Variants in FBXL18 observed in about 807,000 individuals in gnomAD.
FBXL18 encodes the protein F-box and leucine rich repeat protein 18, also known as F-box/LRR-repeat protein 18.
In FBXL18, 36 loss-of-function variants were observed where a neutral mutation model predicts 46.0. That is an observed-to-expected ratio of 0.78 (90% CI 0.60 to 1.03). The LOEUF is 1.03. Among genes scored for constraint, FBXL18 ranks in the 50% least tolerant of loss-of-function variants. The pLI is 0.00. For synonymous variants in FBXL18, 557 were observed against 465.3 expected, an observed-to-expected ratio of 1.20 and a Z score of -2.54; for missense variants, 977 against 1,004.1, an observed-to-expected ratio of 0.97 and a Z score of 0.36.
intron 1 of FBXL18, among the ~76,000 whole-genome samples, chr7:5,506,837 C>A (rs551068935): frequency 1.3e-5 from 2 of 152,338 alleles, no homozygotes; most frequent in South Asian, 4.1e-4. Context: ...AAGAGCCCTG[C>A]ACCTGGCCAT....
intron 1 of FBXL18, among the ~76,000 whole-genome samples, chr7:5,509,791 C>G (rs1044305633): frequency 2.6e-5 from 4 of 151,576 alleles, no homozygotes; most frequent in African/African-American, 9.7e-5. Flanking sequence ...GGGCAGGTAT[C>G]TGAGGGGTGA....
chr7:5,484,206 G>A (rs560158634), intron 4 of FBXL18, among the ~76,000 whole-genome samples: 7 of 152,176 alleles, frequency 4.6e-5, no homozygotes, highest in Non-Finnish European at 8.8e-5. Context: ...GGTGGCTCAC[G>A]CCTGTAATCC....
chr7:5,509,223 TAG>T (rs1784468289), intron 1 of FBXL18, among the ~76,000 whole-genome samples: 1 of 147,018 alleles, frequency 6.8e-6, no homozygotes, highest in Non-Finnish European at 1.5e-5. Flanking sequence ...CAGCATCATA[TAG>T]ATTCCACAGT....
chr7:5,510,302 CAAAAAAAAA>C (rs757878539), intron 1 of FBXL18, among the ~76,000 whole-genome samples: 1 of 77,606 alleles, frequency 1.3e-5, no homozygotes, highest in African/African-American at 5.5e-5. Flanking sequence ...GACTCTGTCT[CAAAAAAAAA>C]AAAAAAAAAA....
Position 5,513,683 on chromosome 7 carries a change from C to A in FBXL18, c.-9G>T. ...TCTCCGGAGCTGGCCATGTCGCCGG[C>A]GGGTCCGAACCGCGGCCGCGGGATC... On this transcript the variant is annotated 5_prime_UTR_variant, in exon 1 of 5. Coordinates refer to ENST00000382368, the MANE Select transcript of FBXL18 (RefSeq NM_024963.6). 1 of 1,604,326 alleles carries A rather than the reference C, an allele frequency of 6.2e-7. No individual in the cohort carries two copies. Among genetic ancestry groups the A allele is most frequent in the Non-Finnish European group, 8.5e-7 (1 of 1,175,724 alleles).
At position 5,505,588 on chromosome 7, in the gene FBXL18, C is replaced by T. The variant is rs777937222; in HGVS notation, c.61G>A (p.Gly21Arg). 22 of 1,613,984 alleles carry T rather than the reference C, an allele frequency of 1.4e-5. No individual in the cohort carries two copies. Among genetic ancestry groups the T allele is most frequent in the Admixed American group, 3.3e-5 (2 of 59,982 alleles). Residue 21 changes from glycine (G) to arginine (R), a missense_variant, in exon 2 of 5, where the codon GGG becomes AGG. Coordinates refer to ENST00000382368, the MANE Select transcript of FBXL18 (RefSeq NM_024963.6). ...AGGAGGTGGACCCCGTCTGCCATCC[C>T]GGCTGCTGCAGGGTGCATGTCATCA... ...DDDDMHPAAAGMADGVHLLGF... is the reference protein window; with the variant it reads ...DDDDMHPAAARMADGVHLLGF...
chr7:5,500,869 G>C lies in FBXL18; in HGVS notation c.1400C>G (p.Ala467Gly), dbSNP rs747558111. Reference protein sequence around the residue: ...QSCPSPFSGQACPQPSSVFWS... With the variant: ...QSCPSPFSGQGCPQPSSVFWS... ...GAACACGGAGGAGGGCTGGGGGCAC[G>C]CCTGGCCCGAGAAGGGGCTGGGACA... The change falls in exon 3 of 5, where the codon GCG becomes GGG. Residue 467 changes from alanine (A) to glycine (G), a missense_variant. Transcript: ENST00000382368. The C allele has an allele frequency of 6.2e-7, 1 of 1,600,664 alleles. No individual in the cohort carries two copies. The highest frequency in any genetic ancestry group is 1.1e-5 in the South Asian group (1 of 89,830).
intron 4 of FBXL18, chr7:5,490,034 G>A (rs535242564): frequency 1.5e-6 from 2 of 1,330,644 alleles, no homozygotes; most frequent in East Asian, 5.0e-5. Flanking sequence ...ACCAGAGAGG[G>A]GGAAACCCCA....
At chr7:5,458,419 G>C (rs1296177114) in intron 4 of FBXL18, among the ~76,000 whole-genome samples, 1 of 152,194 alleles carries the variant, frequency 6.6e-6, no homozygotes, top group Non-Finnish European at 1.5e-5. Flanking sequence ...ACAAAAATTG[G>C]CCGGGCGTGG....
In FBXL18 at chr7:5,477,264, C is replaced by T. The variant is rs1205937224; in HGVS notation, c.*4511G>A. Among the ~76,000 whole-genome samples, 4 of 152,176 alleles carry T rather than the reference C, an allele frequency of 2.6e-5. No individual in the cohort carries two copies. Among genetic ancestry groups the T allele is most frequent in the African/African-American group, 4.8e-5 (2 of 41,440 alleles). The stretch of plus-strand genomic sequence containing the variant: ...CATGACCATCACAAAGACCCCCCAG[C>T]GTCGTGGTCAAGGCTACCAGGAACT... On this transcript the variant is annotated 3_prime_UTR_variant, in exon 5 of 5. Coordinates refer to ENST00000382368, the MANE Select transcript of FBXL18 (RefSeq NM_024963.6). This position sits in a 1 kb window ranked among gnomAD's most constrained non-coding sequence, Gnocchi z 4.4.
intron 4 of FBXL18, among the ~76,000 whole-genome samples, chr7:5,485,892 A>T (rs1347753647): frequency 2.6e-5 from 4 of 151,470 alleles, no homozygotes; most frequent in Non-Finnish European, 5.9e-5. Context: ...CATCTCTACT[A>T]AAAAAAACAC....
intron 4 of FBXL18, among the ~76,000 whole-genome samples, chr7:5,469,848 G>A (rs1783400774): frequency 2.0e-5 from 3 of 151,596 alleles, no homozygotes; most frequent in Admixed American, 1.3e-4. Flanking sequence ...TGTGACACGG[G>A]AGAGGGTTTA....
Position 5,491,290 on chromosome 7 carries a change from G to T in FBXL18, c.1941C>A (p.His647Gln). The T allele has an allele frequency of 1.2e-6, 2 of 1,613,144 alleles. No homozygotes were observed. The highest frequency in any genetic ancestry group is 1.7e-6 in the Non-Finnish European group (2 of 1,179,906). Residue 647 changes from histidine to glutamine, a missense_variant, in exon 4 of 5, where the codon CAC (histidine) becomes CAA (glutamine). Coordinates refer to ENST00000382368, the MANE Select transcript of FBXL18 (RefSeq NM_024963.6). Reference sequence around the variant, plus strand: ...TGGCGAGGGACTCCCCGGTGAACAGGTGGCACATGACAACCTGCAGGCAGC... The same window carrying T: ...TGGCGAGGGACTCCCCGGTGAACAGTTGGCACATGACAACCTGCAGGCAGC... Reference protein sequence around the residue: ...MARCLQVVMCHLFTGESLATC... With the variant: ...MARCLQVVMCQLFTGESLATC...
intron 3 of FBXL18, among the ~76,000 whole-genome samples, chr7:5,499,731 C>CA (rs58187609): frequency 9.5e-5 from 11 of 115,808 alleles, no homozygotes; most frequent in East Asian, 2.3e-4. Context: ...GACTCTGTCT[C>CA]AAAAAAAAAA....
rs542571504 is a variant in FBXL18 at position 5,457,841 on chromosome 7, G to A, written c.2001-9998C>T. On this transcript the variant is annotated intron_variant and NMD_transcript_variant, in intron 4 of 6. Coordinates refer to the FBXL18 transcript ENST00000415009. Reference sequence around the variant, plus strand: ...GTTATGGCGGAAGGCCATCCCTATCGCTGTGCCTGGCTGGCCTGGGCCCAC... The same window carrying A: ...GTTATGGCGGAAGGCCATCCCTATCACTGTGCCTGGCTGGCCTGGGCCCAC... 2.6e-5 allele frequency among the ~76,000 whole-genome samples: 4 copies of A among 152,272 alleles called. No homozygotes were observed. In the South Asian group the frequency reaches 8.3e-4, roughly 32 times the overall value.
intron 4 of FBXL18, among the ~76,000 whole-genome samples, chr7:5,484,973 G>A (rs544235622): frequency 6.6e-6 from 1 of 152,032 alleles, no homozygotes; most frequent in Non-Finnish European, 1.5e-5. Context: ...GTAGAGACAG[G>A]ATCTCACCAT....
chr7:5,491,770 A>G (rs886944730), intron 3 of FBXL18, among the ~76,000 whole-genome samples: 1 of 151,708 alleles, frequency 6.6e-6, no homozygotes, highest in Non-Finnish European at 1.5e-5. Flanking sequence ...CACCCCAATG[A>G]CCCCCAGGCA....
chr7:5,498,472 C>T (rs1453057428), intron 3 of FBXL18, among the ~76,000 whole-genome samples: 1 of 152,234 alleles, frequency 6.6e-6, no homozygotes, highest in Non-Finnish European at 1.5e-5. Context: ...CAGGTACAGA[C>T]CCCACCTATT....
intron 4 of FBXL18, among the ~76,000 whole-genome samples, chr7:5,468,194 A>G (rs890016081): frequency 3.9e-5 from 6 of 152,120 alleles, no homozygotes; most frequent in African/African-American, 1.4e-4. Context: ...CGTGTTAGCC[A>G]GGATGGTCTC....
Sources: gnomAD v4.1 joint callset for allele counts (sites outside exome capture counted in the v4.1 genomes callset) on GRCh38, gnomAD v4.1.1 for gene constraint, Gnocchi (gnomAD v3.1) non-coding constraint, MANE v1.5 for transcripts, NCBI Gene and HGNC (gene_info 2026-07-23, HGNC 2026-07-21) for gene names.